Variants in ZDHHC14 observed in about 807,000 individuals in gnomAD.
The protein encoded by ZDHHC14 is palmitoyltransferase ZDHHC14.
In ZDHHC14, 16 loss-of-function variants were observed where a neutral mutation model predicts 47.7. The observed-to-expected ratio is 0.34, with a 90% confidence interval of 0.23 to 0.51. The LOEUF (loss-of-function observed/expected upper bound fraction) is 0.51, where lower values mean the gene tolerates loss of function less well. Among genes scored for constraint, ZDHHC14 ranks in the 20% least tolerant of loss-of-function variants. The probability of loss-of-function intolerance (pLI) is 0.97; values close to 1 mark genes in which losing one functional copy is unlikely to be tolerated. For missense variants in ZDHHC14, 515 were observed against 662.5 expected, an observed-to-expected ratio of 0.78 and a Z score of 2.44; for synonymous variants, 293 against 278.9, an observed-to-expected ratio of 1.05 and a Z score of -0.50.
intron 3 of ZDHHC14, among the ~76,000 whole-genome samples, chr6:157,596,695 A>G (rs774137018): frequency 1.6e-4 from 25 of 152,132 alleles, no homozygotes; most frequent in Non-Finnish European, 3.2e-4. Flanking sequence ...CTGTTACCAC[A>G]TCTGTAAAAT....
chr6:157,645,177 C>T (rs144805894), intron 5 of ZDHHC14, among the ~76,000 whole-genome samples: 1 of 152,144 alleles, frequency 6.6e-6, no homozygotes, highest in Non-Finnish European at 1.5e-5. Context: ...TTTCCTTCTT[C>T]CCCTTCTCTG....
At chr6:157,534,202 G>C (rs544259583) in intron 1 of ZDHHC14, among the ~76,000 whole-genome samples, 1 of 152,230 alleles carries the variant, frequency 6.6e-6, no homozygotes, top group Admixed American at 6.5e-5. Flanking sequence ...CTGGACGCTT[G>C]GTATGTGCAG....
At chr6:157,585,378 C>G (rs1210775513) in intron 2 of ZDHHC14, among the ~76,000 whole-genome samples, 1 of 136,928 alleles carries the variant, frequency 7.3e-6, no homozygotes, top group Non-Finnish European at 1.5e-5. Context: ...GGCAGAGGCA[C>G]AACTGTTACC....
intron 2 of ZDHHC14, among the ~76,000 whole-genome samples, chr6:157,556,400 A>T (rs545555178): frequency 3.5e-4 from 54 of 152,320 alleles, no homozygotes; most frequent in Admixed American, 2.9e-3. Flanking sequence ...TTACAGCTGG[A>T]AAAACTGAGG....
chr6:157,594,359 C>T (rs539294299), intron 3 of ZDHHC14, among the ~76,000 whole-genome samples: 2 of 152,296 alleles, frequency 1.3e-5, no homozygotes, highest in South Asian at 4.2e-4. Context: ...GGTTCTGCTT[C>T]TCCCATGTAG....
chr6:157,548,200 C>T (rs1782065438), intron 2 of ZDHHC14, among the ~76,000 whole-genome samples: 1 of 151,956 alleles, frequency 6.6e-6, no homozygotes, highest in Non-Finnish European at 1.5e-5. Flanking sequence ...GTGAGATTTT[C>T]TGAACATTTC....
Position 157,431,151 on chromosome 6 carries a change from T to C in ZDHHC14, c.245+48885T>C, listed in dbSNP as rs193032680. 3.3e-5 allele frequency among the ~76,000 whole-genome samples: 5 copies of C among 152,306 alleles called. No homozygotes were observed. The East Asian group carries it at 9.6e-4, about 29-fold the overall frequency. On this transcript the variant is annotated intron_variant, in intron 1 of 8. Coordinates refer to ENST00000359775, the MANE Select transcript of ZDHHC14 (RefSeq NM_024630.3). The stretch of plus-strand genomic sequence containing the variant: ...AGCACTTACATCAGGCTCTGTGCAA[T>C]TGTTTGAATTTAATCTTCAGAACAC...
chr6:157,483,488 T>A (rs1779682781), intron 1 of ZDHHC14, among the ~76,000 whole-genome samples: 1 of 152,228 alleles, frequency 6.6e-6, no homozygotes, highest in African/African-American at 2.4e-5. Context: ...GGTGATGTGC[T>A]TTCTTTTACA....
intron 1 of ZDHHC14, among the ~76,000 whole-genome samples, chr6:157,464,710 C>G (rs964854764): frequency 2.0e-5 from 3 of 152,196 alleles, no homozygotes; most frequent in Non-Finnish European, 4.4e-5. Context: ...AACTTAGTGA[C>G]CCGAAGCAAA....
chr6:157,592,041 G>A (rs1053203614), intron 2 of ZDHHC14, among the ~76,000 whole-genome samples: 2 of 151,940 alleles, frequency 1.3e-5, no homozygotes, highest in Non-Finnish European at 2.9e-5. Context: ...AGGCTAATAG[G>A]GCTCTGAGGA....
chr6:157,546,891 A>G (rs1781993912), intron 2 of ZDHHC14, among the ~76,000 whole-genome samples: 1 of 152,172 alleles, frequency 6.6e-6, no homozygotes, highest in Non-Finnish European at 1.5e-5. Context: ...GCTGAGACTA[A>G]GGAAGTCAAT....
rs531433368 is a variant in ZDHHC14, at chr6:157,502,308, G to A, written c.246-40277G>A. On this transcript the variant is annotated intron_variant, in intron 1 of 8. Coordinates refer to ENST00000359775, the MANE Select transcript of ZDHHC14 (RefSeq NM_024630.3). This position sits in a 1 kb window ranked among gnomAD's most constrained non-coding sequence, Gnocchi z 4.0. ...ACCATTGCATGTAAGCAAGGACACC[G>A]TGACTGTATGTGAGCCAAAAGTGTC... Among the ~76,000 whole-genome samples the A allele has an allele frequency of 6.6e-6, 1 of 152,338 alleles. No individual in the cohort carries two copies. The highest frequency in any genetic ancestry group is 2.1e-4 in the South Asian group (1 of 4,830).
chr6:157,528,278 G>A (rs1781228621), intron 1 of ZDHHC14, among the ~76,000 whole-genome samples: 1 of 152,126 alleles, frequency 6.6e-6, no homozygotes, highest in Non-Finnish European at 1.5e-5. Context: ...AAAATGAGCT[G>A]AACAGTTTTT....
chr6:157,612,848 A>AT (rs1784806015), intron 3 of ZDHHC14, among the ~76,000 whole-genome samples: 1 of 151,840 alleles, frequency 6.6e-6, no homozygotes, highest in Non-Finnish European at 1.5e-5. Context: ...TTAGAGAAAA[A>AT]AAAAAAAAGT....
intron 1 of ZDHHC14, among the ~76,000 whole-genome samples, chr6:157,458,848 G>GGTTTTTTTTTTTTTTTT (rs1778990291): frequency 7.3e-5 from 5 of 68,754 alleles, no homozygotes; most frequent in Non-Finnish European, 1.1e-4. Context: ...AATGTGGGTG[G>GGTTTTTTTTTTTTTTTT]ATTTTTTTTT....
chr6:157,525,587 C>A (rs546675996), intron 1 of ZDHHC14, among the ~76,000 whole-genome samples: 1 of 152,186 alleles, frequency 6.6e-6, no homozygotes, highest in South Asian at 2.1e-4. Context: ...GGAAGTGACA[C>A]CCCACCACCT....
intron 1 of ZDHHC14, among the ~76,000 whole-genome samples, chr6:157,408,833 T>G (rs1444180427): frequency 6.6e-6 from 1 of 152,196 alleles, no homozygotes; most frequent in African/African-American, 2.4e-5. Flanking sequence ...GTAATGGGTT[T>G]GCTGGGTCAA....
chr6:157,557,207 C>T (rs764251197), intron 2 of ZDHHC14, among the ~76,000 whole-genome samples: 2 of 152,184 alleles, frequency 1.3e-5, no homozygotes, highest in Non-Finnish European at 1.5e-5. Flanking sequence ...GCCTCTCGCA[C>T]GCTGTAGCAG....
intron 7 of ZDHHC14, among the ~76,000 whole-genome samples, chr6:157,647,960 C>T (rs937261334): frequency 2.0e-5 from 3 of 152,112 alleles, no homozygotes; most frequent in African/African-American, 2.4e-5. Context: ...AGGTAGGCAC[C>T]GTTATATCCC....
Sources: gnomAD v4.1 joint callset for allele counts (sites outside exome capture counted in the v4.1 genomes callset) on GRCh38, gnomAD v4.1.1 for gene constraint, Gnocchi (gnomAD v3.1) non-coding constraint, MANE v1.5 for transcripts, NCBI Gene and HGNC (gene_info 2026-07-23, HGNC 2026-07-21) for gene names.